The following NPHP1 variants were observed in gnomAD, a reference collection of about 807,000 sequenced individuals.
NPHP1 encodes the protein nephrocystin-1.
NPHP1 carries 70 observed loss-of-function variants against 90.4 expected under a neutral mutation model. The ratio of observed to expected loss-of-function variants is 0.77; its 90% CI spans 0.64 to 0.95. The LOEUF (loss-of-function observed/expected upper bound fraction) is 0.95, where lower values mean the gene tolerates loss of function less well. Ranked by LOEUF, NPHP1 falls within the 40% of genes least tolerant of loss-of-function variation. The pLI is 0.00. For synonymous variants in NPHP1, 256 were observed against 271.7 expected, an observed-to-expected ratio of 0.94 and a Z score of 0.57; for missense variants, 764 against 795.9, an observed-to-expected ratio of 0.96 and a Z score of 0.48.
chr2:110,183,607 G>C (rs932953227), intron 2 of NPHP1, among the ~76,000 whole-genome samples: 1 of 152,048 alleles, frequency 6.6e-6, no homozygotes, highest in African/African-American at 2.4e-5. Flanking sequence ...GCGCCGCTGG[G>C]TTAGGGTCTC....
Position 110,204,923 on chromosome 2 carries a change from G to A in NPHP1, c.46C>T (p.Arg16Cys), listed in dbSNP as rs1270373319. Reference protein sequence around the residue: ...QRDPLQALRRRNQELKQQVDS... With the variant: ...QRDPLQALRRCNQELKQQVDS... The stretch of plus-strand genomic sequence containing the variant: ...ACCTGTTGCTTCAGCTCCTGATTGC[G>A]GCGCCGCAGGGCCTGGAGAGGATCT... Residue 16 changes from arginine to cysteine, a missense_variant, in exon 1 of 20, where the codon CGC becomes TGC. By Grantham distance (180) the Arg-to-Cys change is radical. Transcript: ENST00000445609. 1 of 1,613,996 alleles carries A rather than the reference G, an allele frequency of 6.2e-7. No homozygotes were observed. The highest frequency in any genetic ancestry group is 1.1e-5 in the South Asian group (1 of 91,082).
At chr2:110,132,472 T>A (rs997317488) in intron 16 of NPHP1, among the ~76,000 whole-genome samples, 8 of 152,132 alleles carry the variant, frequency 5.3e-5, no homozygotes, top group Admixed American at 4.6e-4. Context: ...CTGGCCAACA[T>A]GGTGAAACCA....
intron 11 of NPHP1, among the ~76,000 whole-genome samples, chr2:110,151,113 C>G (rs114043910): frequency 0.066 from 9,428 of 142,604 alleles, 385 homozygotes; most frequent in African/African-American, 0.12. Context: ...TTGCAGTGAG[C>G]TGATACCACA....
intron 14 of NPHP1, 36 bp from the exon 15 acceptor site, chr2:110,144,605 T>C (rs1339159976): frequency 7.7e-7 from 1 of 1,291,628 alleles, no homozygotes; most frequent in East Asian, 2.3e-5. Flanking sequence ...AGATATAAGC[T>C]GTGGGCATGT....
rs577182761 is a variant in NPHP1, at chr2:110,170,748, C to T, written c.330-750G>A. On this transcript the variant is annotated intron_variant, in intron 4 of 19. Coordinates refer to ENST00000445609, the MANE Select transcript of NPHP1 (RefSeq NM_001128178.3). ...AGAGGGACACCTAACCCAGGTTGCA[C>T]GAATGGGAATCATAAAAGGCTATAA... is the stretch of plus-strand genomic sequence containing the variant. 5.9e-5 allele frequency among the ~76,000 whole-genome samples: 9 copies of T among 151,816 alleles called. 1 individual carries two copies. Among genetic ancestry groups the T allele is most frequent in the African/African-American group, 1.7e-4 (7 of 41,350 alleles).
chr2:110,163,401 A>C, intron 8 of NPHP1: 1 of 454,504 alleles, frequency 2.2e-6, no homozygotes, highest in Non-Finnish European at 4.1e-6. Context: ...CCTTATCAAA[A>C]TGTCCCTGCT....
In NPHP1 at chr2:110,179,524, C is replaced by T. The variant is rs11898910; in HGVS notation, c.204+100G>A. Reference sequence around the variant, plus strand: ...GGCTGCAGTTAGACTATATCACTAACGTAAACCCAGGAACTTACCAACTTG... The same window carrying T: ...GGCTGCAGTTAGACTATATCACTAATGTAAACCCAGGAACTTACCAACTTG... On this transcript the variant is annotated intron_variant, in intron 3 of 19. Coordinates refer to ENST00000445609, the MANE Select transcript of NPHP1 (RefSeq NM_001128178.3). 47,708 of 660,330 alleles carry T rather than the reference C, an allele frequency of 0.072. 4,739 individuals are homozygous for T. The highest frequency in any genetic ancestry group is 0.38 in the African/African-American group (21,157 of 56,044). The allele number at this position is 660,330 out of a possible 1,614,324, so 40.9% of individuals were successfully genotyped here. A position where few individuals can be genotyped will look rare whatever the true frequency, so the allele number is the denominator to read the frequency against.
chr2:110,186,203 A>G (rs764171899), intron 2 of NPHP1, among the ~76,000 whole-genome samples: 1 of 152,120 alleles, frequency 6.6e-6, no homozygotes, highest in Non-Finnish European at 1.5e-5. Context: ...TCTCTTGCTC[A>G]CTGCCATAGA....
At chr2:110,202,750 A>G (rs1685656073) in intron 1 of NPHP1, among the ~76,000 whole-genome samples, 1 of 152,186 alleles carries the variant, frequency 6.6e-6, no homozygotes, top group Non-Finnish European at 1.5e-5. Flanking sequence ...CAAAATGGCT[A>G]TTATTAAAAA....
At chr2:110,141,773 C>G (rs1174998659) in intron 16 of NPHP1, among the ~76,000 whole-genome samples, 1 of 151,830 alleles carries the variant, frequency 6.6e-6, no homozygotes, top group Non-Finnish European at 1.5e-5. Context: ...GAGTTCGAGA[C>G]CATCCTGGCC....
At chr2:110,127,940 T>G (rs754533046) in intron 18 of NPHP1, 5 of 152,138 alleles carry the variant, frequency 3.3e-5, no homozygotes, top group Non-Finnish European at 7.4e-5. Context: ...ATATGTTCTG[T>G]GTAATGAATA....
At chr2:110,130,608 T>A (rs1345159221) in intron 17 of NPHP1, among the ~76,000 whole-genome samples, 1 of 152,176 alleles carries the variant, frequency 6.6e-6, no homozygotes, top group African/African-American at 2.4e-5. Flanking sequence ...CTCCTGCCTA[T>A]GAATGTTATT....
intron 17 of NPHP1, 21 bp from the exon 18 acceptor site, chr2:110,129,280 A>C (rs185251179): frequency 6.3e-7 from 1 of 1,589,224 alleles, no homozygotes; most frequent in Middle Eastern, 1.7e-4. Context: ...AAACAACAGA[A>C]AGAATTTTAT....
chr2:110,135,467 A>AC lies in NPHP1; in HGVS notation c.1530-3677dup, dbSNP rs578051375. The stretch of plus-strand genomic sequence containing the variant: ...ACTCCAACCTGGGAGACACAGCGAG[A>AC]CCCCGTCTCAAAAAAAAAAAAAAAA... On this transcript the variant is annotated intron_variant, in intron 16 of 19. Coordinates refer to ENST00000445609, the MANE Select transcript of NPHP1 (RefSeq NM_001128178.3). 4.8e-4 allele frequency among the ~76,000 whole-genome samples: 53 copies of AC among 110,912 alleles called. No homozygotes were observed. The East Asian group carries it at 0.014, about 29-fold the overall frequency. 72.8% of individuals were successfully genotyped at this position (110,912 alleles called of 152,430 possible). A position where few individuals can be genotyped will look rare whatever the true frequency, so the allele number is the denominator to read the frequency against.
Position 110,147,939 on chromosome 2 carries a change from G to C in NPHP1, c.1246C>G (p.Leu416Val). The change falls in exon 13 of 20, where the codon CTT becomes GTT. Residue 416 changes from leucine to valine, a missense_variant. Leu to Val is a conservative substitution (Grantham distance 32, BLOSUM62 1). Transcript: ENST00000445609. ...ACATTGCGAATATAAGAAATTCCAA[G>C]TTCAAATAATATTCCAAGATCTGGA... is the stretch of plus-strand genomic sequence containing the variant. ...ASPDLGILFE[L>V]GISYIRNSTG... 1 of 1,597,848 alleles carries C rather than the reference G, an allele frequency of 6.3e-7. No individual in the cohort carries two copies. The highest frequency in any genetic ancestry group is 1.3e-5 in the African/African-American group (1 of 74,694).
intron 18 of NPHP1, chr2:110,128,155 A>G (rs914617206): frequency 1.3e-5 from 2 of 152,034 alleles, no homozygotes; most frequent in African/African-American, 2.4e-5. Flanking sequence ...TCAAAGTCTA[A>G]TAAGAATCTT....
chr2:110,135,644 T>C (rs1680123950), intron 16 of NPHP1, among the ~76,000 whole-genome samples: 1 of 152,158 alleles, frequency 6.6e-6, no homozygotes, highest in Admixed American at 6.6e-5. Context: ...TTTAGAAATA[T>C]ATAAACTCTG....
At chr2:110,125,927 A>C (rs1435512689) in intron 18 of NPHP1, 1 of 540,562 alleles carries the variant, frequency 1.8e-6, no homozygotes, top group African/African-American at 1.9e-5. Context: ...AAACTAACTT[A>C]AGAATAGAAT....
At chr2:110,191,410 C>T (rs960617234) in intron 2 of NPHP1, among the ~76,000 whole-genome samples, 4 of 152,192 alleles carry the variant, frequency 2.6e-5, no homozygotes, top group African/African-American at 7.2e-5. Context: ...GAGAGCCTCG[C>T]TAATTGCTAG....
Sources: gnomAD v4.1 joint callset for allele counts (sites outside exome capture counted in the v4.1 genomes callset) on GRCh38, gnomAD v4.1.1 for gene constraint, MANE v1.5 for transcripts, NCBI Gene and HGNC (gene_info 2026-07-23, HGNC 2026-07-21) for gene names.